MYO18B: variants seen among roughly 807,000 people sequenced by gnomAD.
The protein encoded by MYO18B is unconventional myosin-XVIIIb.
In MYO18B, 204 loss-of-function variants were observed where a neutral mutation model predicts 273.0. The ratio of observed to expected loss-of-function variants is 0.75; its 90% CI spans 0.67 to 0.84. The LOEUF is 0.84. Among genes scored for constraint, MYO18B ranks in the 40% least tolerant of loss-of-function variants. The pLI is 0.00. For synonymous variants in MYO18B, 1,330 were observed against 1,305.7 expected (o/e 1.02, Z -0.40); for missense variants, 3,212 against 3,287.6 (o/e 0.98, Z 0.56).
chr22:25,772,659 C>G, intron 7 of MYO18B, 149 bp downstream of exon 7: 1 of 779,206 alleles, frequency 1.3e-6, no homozygotes, highest in Non-Finnish European at 2.0e-6. Flanking sequence ...TTGTGGCATC[C>G]TGTGGCATGG....
intron 32 of MYO18B, among the ~76,000 whole-genome samples, chr22:25,910,447 C>G (rs1458019582): frequency 6.6e-6 from 1 of 152,152 alleles, no homozygotes; most frequent in Non-Finnish European, 1.5e-5. Context: ...CTCCAGATAC[C>G]ACTGCACTGA....
intron 24 of MYO18B, among the ~76,000 whole-genome samples, 152 bp from the exon 25 acceptor site, chr22:25,877,807 C>T (rs1163045486): frequency 6.6e-6 from 1 of 152,142 alleles, no homozygotes; most frequent in African/African-American, 2.4e-5. Context: ...ATATACAGTG[C>T]ACCATTATTT....
chr22:25,997,932 AACACAC>A (rs3070628), intron 40 of MYO18B, among the ~76,000 whole-genome samples: 12 of 144,732 alleles, frequency 8.3e-5, no homozygotes, highest in East Asian at 2.0e-4. Context: ...CCAGGAGAGA[AACACAC>A]ACACACACAC....
chr22:25,790,697 A>G (rs895568165), intron 11 of MYO18B, among the ~76,000 whole-genome samples: 2 of 152,166 alleles, frequency 1.3e-5, no homozygotes, highest in Non-Finnish European at 2.9e-5. Context: ...CAATTTTCGA[A>G]TCGTTTGCTA....
the MYO18B span, among the ~76,000 whole-genome samples, chr22:26,046,979 A>G: frequency 4.5e-3 from 690 of 152,274 alleles, 16 homozygotes; most frequent in East Asian, 0.067. Flanking sequence ...GTTTGCCTCC[A>G]CATGGCTGCT....
intron 21 of MYO18B, among the ~76,000 whole-genome samples, chr22:25,858,228 C>T (rs2090630186): frequency 6.6e-6 from 1 of 152,216 alleles, no homozygotes; most frequent in African/African-American, 2.4e-5. Context: ...CCATATCTCT[C>T]TCTATGAATC....
intron 17 of MYO18B, among the ~76,000 whole-genome samples, chr22:25,843,214 C>A (rs1210852585): frequency 6.6e-6 from 1 of 152,134 alleles, no homozygotes; most frequent in African/African-American, 2.4e-5. Flanking sequence ...AACCGATGTG[C>A]CTGTATCTCC....
intron 39 of MYO18B, among the ~76,000 whole-genome samples, chr22:25,973,688 C>T (rs2093059566): frequency 6.6e-6 from 1 of 152,138 alleles, no homozygotes; most frequent in African/African-American, 2.4e-5. Context: ...TAGTGGCTAC[C>T]ATATTGGACA....
chr22:25,849,662 C>G (rs1297140319), intron 20 of MYO18B, among the ~76,000 whole-genome samples: 8 of 152,152 alleles, frequency 5.3e-5, no homozygotes. Flanking sequence ...AGCTCCAACT[C>G]TGGAGGGAAA....
chr22:26,015,695 G>T (rs554774700), intron 42 of MYO18B, among the ~76,000 whole-genome samples: 1 of 152,236 alleles, frequency 6.6e-6, no homozygotes, highest in East Asian at 1.9e-4. Context: ...AAAATAACTA[G>T]TGAGTACTAG....
At chr22:26,028,079 A>G (rs759537745) in intron 43 of MYO18B, among the ~76,000 whole-genome samples, 35 of 151,998 alleles carry the variant, frequency 2.3e-4, no homozygotes, top group Non-Finnish European at 4.4e-4. Flanking sequence ...CCTCGTCTCT[A>G]CTAAAAATAC....
intron 40 of MYO18B, among the ~76,000 whole-genome samples, chr22:25,997,970 C>CG (rs1379181834): frequency 4.8e-5 from 6 of 124,802 alleles, no homozygotes; most frequent in South Asian, 2.4e-4. Flanking sequence ...CACACACACA[C>CG]ACACACACGA....
intron 34 of MYO18B, among the ~76,000 whole-genome samples, chr22:25,942,987 C>T (rs1000456948): frequency 6.6e-6 from 1 of 152,110 alleles, no homozygotes; most frequent in South Asian, 2.1e-4. Context: ...AATAGAGTCT[C>T]CTTTCTCCAG....
At chr22:26,015,725 A>C (rs954283545) in intron 42 of MYO18B, among the ~76,000 whole-genome samples, 2 of 152,222 alleles carry the variant, frequency 1.3e-5, no homozygotes, top group Non-Finnish European at 2.9e-5. Context: ...CTGGGTGATG[A>C]AATAAACTGT....
chr22:25,814,282 C>CCAGG (rs1472163990), intron 12 of MYO18B, among the ~76,000 whole-genome samples: 1 of 140,246 alleles, frequency 7.1e-6, no homozygotes, highest in African/African-American at 2.7e-5. Flanking sequence ...TGCCATGCTC[C>CCAGG]CAGGCACCGT....
At chr22:25,757,004 T>C (rs2086143498) in intron 1 of MYO18B, among the ~76,000 whole-genome samples, 1 of 152,062 alleles carries the variant, frequency 6.6e-6, no homozygotes, top group Non-Finnish European at 1.5e-5. Flanking sequence ...GAGGTTGCAG[T>C]GAGCCGAGAT....
intron 37 of MYO18B, 68 bp downstream of exon 37, chr22:25,950,518 ATGTGTGTGTGTGTGTG>A (rs59002655): frequency 1.6e-5 from 10 of 606,302 alleles, no homozygotes; most frequent in African/African-American, 1.0e-4. Flanking sequence ...AACTAATAGG[ATGTGTGTGTGTGTGTG>A]TGTGTGTGTG....
At chr22:25,829,554 A>G (rs926678267) in intron 15 of MYO18B, among the ~76,000 whole-genome samples, 1 of 151,588 alleles carries the variant, frequency 6.6e-6, no homozygotes, top group African/African-American at 2.4e-5. Flanking sequence ...AAGTTGAAAT[A>G]TAAGGCCAGG....
At chr22:25,910,562 G>A (rs2092135960) in intron 32 of MYO18B, among the ~76,000 whole-genome samples, 1 of 152,160 alleles carries the variant, frequency 6.6e-6, no homozygotes. Context: ...ATTTAATAAT[G>A]GAGGGGATGC....
Sources: allele counts gnomAD v4.1 joint callset (sites outside exome capture counted in the v4.1 genomes callset), GRCh38; gene constraint gnomAD v4.1.1; transcripts MANE v1.5; gene names NCBI Gene and HGNC (gene_info 2026-07-23, HGNC 2026-07-21).